The following KLF12 variants were observed in gnomAD, a reference collection of about 807,000 sequenced individuals.
The protein encoded by KLF12 is KLF transcription factor 12, also known as Krueppel-like factor 12.
Under a neutral mutation model 37.8 loss-of-function variants are expected in KLF12, and 9 were observed. That is an observed-to-expected ratio of 0.24 (90% CI 0.14 to 0.42). The LOEUF is 0.42. Among genes scored for constraint, KLF12 ranks in the 10% least tolerant of loss-of-function variants. KLF12 has a pLI of 1.00. For missense variants in KLF12, 411 were observed against 516.0 expected (o/e 0.80, Z 1.97); for synonymous variants, 208 against 202.1 (o/e 1.03, Z -0.25).
At chr13:73,860,376 A>G (rs1420966047) in intron 3 of KLF12, among the ~76,000 whole-genome samples, 2 of 152,168 alleles carry the variant, frequency 1.3e-5, no homozygotes, top group African/African-American at 4.8e-5. Context: ...CAAAGTAAGC[A>G]CTTAATTAAA....
intron 7 of KLF12, among the ~76,000 whole-genome samples, chr13:73,708,027 T>C (rs1053536463): frequency 3.3e-5 from 5 of 152,152 alleles, no homozygotes; most frequent in Non-Finnish European, 7.4e-5. Context: ...TTGATATTAA[T>C]TACAGAGACT....
the KLF12 span, among the ~76,000 whole-genome samples, chr13:74,273,979 T>C: frequency 6.6e-6 from 1 of 152,108 alleles, no homozygotes; most frequent in Non-Finnish European, 1.5e-5. Context: ...AACATCATAG[T>C]GTAATTAAAA....
chr13:73,969,039 A>G (rs1473173665), intron 2 of KLF12, among the ~76,000 whole-genome samples: 2 of 152,136 alleles, frequency 1.3e-5, no homozygotes, highest in Non-Finnish European at 2.9e-5. Context: ...TAAAAAAAAA[A>G]AAAAAACCTA....
At chr13:74,166,335 T>A in the KLF12 span, among the ~76,000 whole-genome samples, 1 of 152,218 alleles carries the variant, frequency 6.6e-6, no homozygotes, top group East Asian at 1.9e-4. Context: ...CAAGGTGATT[T>A]GCTGCCTTGG....
the KLF12 span, among the ~76,000 whole-genome samples, chr13:74,203,736 AAC>A: frequency 1.3e-5 from 2 of 152,108 alleles, no homozygotes; most frequent in South Asian, 4.1e-4. Context: ...ATGTCAGGGA[AAC>A]ACAGCTGCCA....
the KLF12 span, among the ~76,000 whole-genome samples, chr13:74,164,346 T>C: frequency 6.6e-6 from 1 of 152,224 alleles, no homozygotes; most frequent in South Asian, 2.1e-4. Context: ...TAAATCCTTA[T>C]ATTTATTCTA....
intron 1 of KLF12, among the ~76,000 whole-genome samples, chr13:73,999,864 A>C (rs1032294929): frequency 1.3e-5 from 2 of 152,214 alleles, no homozygotes; most frequent in African/African-American, 4.8e-5. Flanking sequence ...GCATGTCAGG[A>C]TCTCACATGA....
chr13:74,224,297 C>T, the KLF12 span, among the ~76,000 whole-genome samples: 2 of 152,144 alleles, frequency 1.3e-5, no homozygotes, highest in African/African-American at 4.8e-5. Context: ...CCCTGGGCTA[C>T]CTTCTGGGAT....
chr13:74,243,734 G>T, the KLF12 span, among the ~76,000 whole-genome samples: 4 of 152,066 alleles, frequency 2.6e-5, no homozygotes, highest in Admixed American at 6.6e-5. Context: ...TCATATGTTT[G>T]TTGGCCATGA....
At chr13:74,120,257 G>A (rs760064058) in intron 1 of KLF12, among the ~76,000 whole-genome samples, 6 of 152,194 alleles carry the variant, frequency 3.9e-5, no homozygotes, top group Admixed American at 6.5e-5. Flanking sequence ...CAAGGTGGGC[G>A]GATCACCTGA....
At chr13:73,936,188 T>C (rs1380152253) in intron 3 of KLF12, among the ~76,000 whole-genome samples, 1 of 152,218 alleles carries the variant, frequency 6.6e-6, no homozygotes, top group Non-Finnish European at 1.5e-5. Context: ...CCAGACATTG[T>C]GATTTTTACA....
chr13:73,754,864 C>T (rs1236635022), intron 6 of KLF12, among the ~76,000 whole-genome samples: 2 of 152,190 alleles, frequency 1.3e-5, no homozygotes, highest in Non-Finnish European at 2.9e-5. Flanking sequence ...TGAGTATTCA[C>T]AGCACATTCT....
chr13:74,226,123 T>C, the KLF12 span, among the ~76,000 whole-genome samples: 1 of 152,092 alleles, frequency 6.6e-6, no homozygotes, highest in Admixed American at 6.6e-5. Flanking sequence ...GGAAGTTAAT[T>C]TGGGAGCTGT....
the KLF12 span, among the ~76,000 whole-genome samples, chr13:74,268,923 G>T: frequency 6.6e-6 from 1 of 152,156 alleles, no homozygotes; most frequent in Non-Finnish European, 1.5e-5. Context: ...GCTGTCTGGG[G>T]TGATTAATCC....
chr13:73,828,373 C>T (rs1452924911), intron 4 of KLF12, among the ~76,000 whole-genome samples: 1 of 152,156 alleles, frequency 6.6e-6, no homozygotes, highest in African/African-American at 2.4e-5. Flanking sequence ...CTGAAAGTTG[C>T]GTTCTATCTA....
At chr13:74,250,713 AG>A in the KLF12 span, among the ~76,000 whole-genome samples, 1 of 152,160 alleles carries the variant, frequency 6.6e-6, no homozygotes, top group Non-Finnish European at 1.5e-5. Context: ...AAAAAGATCA[AG>A]GCTGTTTAGG....
At chr13:73,762,371 T>C (rs997549157) in intron 6 of KLF12, among the ~76,000 whole-genome samples, 1 of 152,198 alleles carries the variant, frequency 6.6e-6, no homozygotes, top group African/African-American at 2.4e-5. Context: ...AAAATGCTAG[T>C]TAAAAGTTTA....
chr13:73,761,396 A>G (rs1879537509), intron 6 of KLF12, among the ~76,000 whole-genome samples: 1 of 152,176 alleles, frequency 6.6e-6, no homozygotes, highest in Non-Finnish European at 1.5e-5. Flanking sequence ...TCTTTCTACC[A>G]GGAAGGGCAA....
At chr13:74,285,577 A>T in the KLF12 span, among the ~76,000 whole-genome samples, 1 of 152,154 alleles carries the variant, frequency 6.6e-6, no homozygotes, top group African/African-American at 2.4e-5. Flanking sequence ...AAAACATAGG[A>T]TTATTTGCAT....
Sources: gnomAD v4.1 joint callset for allele counts (sites outside exome capture counted in the v4.1 genomes callset) on GRCh38, gnomAD v4.1.1 for gene constraint, MANE v1.5 for transcripts, NCBI Gene and HGNC (gene_info 2026-07-23, HGNC 2026-07-21) for gene names.